Variants in SHROOM4 observed in about 807,000 individuals in gnomAD.
SHROOM4 encodes protein Shroom4.
In SHROOM4, 17 loss-of-function variants were observed where a neutral mutation model predicts 80.3. The observed-to-expected ratio is 0.21, with a 90% CI of 0.14 to 0.32. The LOEUF is 0.32. SHROOM4 is among the 10% of genes least tolerant of loss of function. SHROOM4 has a pLI of 1.00. For missense variants in SHROOM4, 993 were observed against 1,140.3 expected (o/e 0.87, Z 1.86); for synonymous variants, 400 against 437.5 (o/e 0.91, Z 1.07).
chrX:50,598,233 C>T (rs781809257), intron 8 of SHROOM4, 33 bp downstream of exon 8: 1 of 1,209,763 alleles, frequency 8.3e-7, no homozygotes, highest in Non-Finnish European at 1.1e-6. Flanking sequence ...ATGGTATTTC[C>T]CTCTACCCAC....
intron 2 of SHROOM4, among the ~76,000 whole-genome samples, chrX:50,681,078 A>T (rs1932931358): frequency 9.0e-6 from 1 of 110,597 alleles, no homozygotes; most frequent in Admixed American, 9.7e-5. Context: ...CCTAAATCTA[A>T]CAACTTTTTA....
At chrX:50,661,153 G>A (rs1207685550) in intron 2 of SHROOM4, among the ~76,000 whole-genome samples, 4 of 110,731 alleles carry the variant, frequency 3.6e-5, no homozygotes, top group African/African-American at 9.8e-5. Flanking sequence ...TTCAACTTTC[G>A]TGTTGTCAGA....
Position 50,598,348 on chromosome X carries a change from T to A in SHROOM4, c.4130A>T (p.Asn1377Ile), listed in dbSNP as rs782625311. The A allele has an allele frequency of 6.6e-6, 8 of 1,209,190 alleles. No homozygotes were observed. ...LFVGDLDKVVNLLLSLSGRLA... is the reference protein window; with the variant it reads ...LFVGDLDKVVILLLSLSGRLA... ...TCGTCCAGAGAGTGACAGCAACAGGTTGACCACTTTGTCCAGGTCCCCAAC... is the reference window on the plus strand; with the variant it reads ...TCGTCCAGAGAGTGACAGCAACAGGATGACCACTTTGTCCAGGTCCCCAAC... Residue 1377 changes from asparagine (N) to isoleucine (I), a missense_variant, in exon 8 of 9, where the codon AAC becomes ATC. Transcript: ENST00000376020.
chrX:50,798,118 T>C (rs1363204380), intron 1 of SHROOM4, among the ~76,000 whole-genome samples: 1 of 110,457 alleles, frequency 9.1e-6, no homozygotes, highest in African/African-American at 3.3e-5. Flanking sequence ...AAGGGTAGGT[T>C]TGTAGGGGCC....
chrX:50,679,547 T>C (rs1314819612), intron 2 of SHROOM4, among the ~76,000 whole-genome samples: 4 of 111,902 alleles, frequency 3.6e-5, no homozygotes, highest in African/African-American at 9.7e-5. Context: ...ATATATATTG[T>C]TTTGTGTGCA....
rs370895166 is a variant in SHROOM4 at position 50,634,149 on chromosome X, A to G, written c.1924T>C (p.Ser642Pro). ...CTGGGGCTGGGAGGTTTTTTACATG[A>G]AGATAGAAGAGATGTGTTAGAGGCA... The part of the protein sequence containing the change: ...LTASNTSLLS[S>P]CKKPPSPRDK... Residue 642 changes from serine to proline, a missense_variant, in exon 4 of 9, where the codon TCA becomes CCA. Coordinates refer to ENST00000376020, the MANE Select transcript of SHROOM4 (RefSeq NM_020717.5). 1.7e-6 allele frequency: 2 copies of G among 1,211,156 alleles called. No individual in the cohort carries two copies. The highest frequency in any genetic ancestry group is 2.2e-6 in the Non-Finnish European group (2 of 895,400).
chrX:50,744,582 C>T (rs782524977), intron 1 of SHROOM4, among the ~76,000 whole-genome samples: 7 of 111,884 alleles, frequency 6.3e-5, no homozygotes, highest in South Asian at 3.8e-4. Context: ...TTGTCTGTCA[C>T]GTACAACATC....
chrX:50,633,651 C>T lies in SHROOM4; in HGVS notation c.2422G>A (p.Asp808Asn), dbSNP rs1230117461. The change falls in exon 4 of 9, where the codon GAC (aspartate) becomes AAC (asparagine). Residue 808 changes from aspartate (D) to asparagine (N), a missense_variant. Transcript: ENST00000376020. ...GAGCTCATTGGCTGGAAGTTTTGGT[C>T]TATAGGTTTTGGTCTCTGGGTAAAA... ...KTFTQRPKPI[D>N]QNFQPMSSSC... The T allele has an allele frequency of 8.3e-7, 1 of 1,210,171 alleles. No homozygotes were observed. Among genetic ancestry groups the T allele is most frequent in the East Asian group, 3.0e-5 (1 of 33,757 alleles).
rs1462234308 is a variant in SHROOM4, at chrX:50,590,496, C to T, written c.*6199G>A. Among the ~76,000 whole-genome samples, 3 of 111,007 alleles carry T rather than the reference C, an allele frequency of 2.7e-5. No individual in the cohort carries two copies. The highest frequency in any genetic ancestry group is 5.7e-5 in the Non-Finnish European group (3 of 52,966). On this transcript the variant is annotated 3_prime_UTR_variant, in exon 9 of 9. Coordinates refer to ENST00000376020, the MANE Select transcript of SHROOM4 (RefSeq NM_020717.5). ...CGATCTCCTGACCTCCTGATCCGCC[C>T]GCCACGGCCTCCCAAAGTGCTGGGA...
chrX:50,676,345 T>A (rs1932853896), intron 2 of SHROOM4, among the ~76,000 whole-genome samples: 1 of 110,880 alleles, frequency 9.0e-6, no homozygotes, highest in Non-Finnish European at 1.9e-5. Flanking sequence ...CACTTCTTCT[T>A]GTCTTACAAA....
At chrX:50,805,493 A>G (rs1936208695) in intron 1 of SHROOM4, among the ~76,000 whole-genome samples, 1 of 111,914 alleles carries the variant, frequency 8.9e-6, no homozygotes. Flanking sequence ...CGCATTCCTC[A>G]CAGATGTAAC....
intron 1 of SHROOM4, among the ~76,000 whole-genome samples, chrX:50,759,592 A>G (rs782365738): frequency 9.8e-4 from 109 of 111,535 alleles, no homozygotes; most frequent in Non-Finnish European, 1.6e-3. Flanking sequence ...GTTTCCTTCC[A>G]CTGGTTTTGC....
chrX:50,675,026 A>G (rs1286179125), intron 2 of SHROOM4, among the ~76,000 whole-genome samples: 1 of 112,049 alleles, frequency 8.9e-6, no homozygotes, highest in Non-Finnish European at 1.9e-5. Context: ...ATTCTAAGCA[A>G]AGAGAACAGT....
chrX:50,814,082 A>G lies in SHROOM4; in HGVS notation c.-64T>C. 1 of 776,911 alleles carries G rather than the reference A, an allele frequency of 1.3e-6. No homozygotes were observed. Among genetic ancestry groups the G allele is most frequent in the Non-Finnish European group, 2.0e-6 (1 of 510,106 alleles). The allele number at this position is 776,911 out of a possible 1,213,427, so 64.0% of individuals were successfully genotyped here. ...AGGGGGCTACGTTGCCTCCGCCCCC[A>G]GCAGCTCCGCCACCATCGCCCTCCA... On this transcript the variant is annotated 5_prime_UTR_variant, in exon 1 of 9. Transcript: ENST00000376020.
intron 2 of SHROOM4, among the ~76,000 whole-genome samples, chrX:50,658,759 T>G (rs782508850): frequency 5.1e-4 from 57 of 111,343 alleles, no homozygotes; most frequent in Non-Finnish European, 9.0e-4. Flanking sequence ...AGAAGAGTGC[T>G]GAGGGCCAGG....
chrX:50,789,094 T>C (rs894293322), intron 1 of SHROOM4, among the ~76,000 whole-genome samples: 5 of 111,905 alleles, frequency 4.5e-5, no homozygotes, highest in Admixed American at 9.4e-5. Flanking sequence ...CTTTCAATAG[T>C]GGATGGAACA....
chrX:50,689,397 A>G (rs999232515), intron 2 of SHROOM4, among the ~76,000 whole-genome samples: 3 of 111,921 alleles, frequency 2.7e-5, no homozygotes, highest in African/African-American at 9.7e-5. Context: ...GAATATGTCA[A>G]TATACTGTAC....
chrX:50,623,548 A>G (rs1930671595), intron 5 of SHROOM4, among the ~76,000 whole-genome samples: 1 of 112,095 alleles, frequency 8.9e-6, no homozygotes, highest in South Asian at 3.7e-4. Flanking sequence ...AAATTAGCCA[A>G]AAGAAACTGG....
At chrX:50,662,002 C>T (rs1932528203) in intron 2 of SHROOM4, among the ~76,000 whole-genome samples, 1 of 110,615 alleles carries the variant, frequency 9.0e-6, no homozygotes, top group Non-Finnish European at 1.9e-5. Flanking sequence ...CCCGCAGCAT[C>T]AGCATTATCT....
Sources: allele counts gnomAD v4.1 joint callset (sites outside exome capture counted in the v4.1 genomes callset), GRCh38; gene constraint gnomAD v4.1.1; transcripts MANE v1.5; gene names NCBI Gene and HGNC (gene_info 2026-07-23, HGNC 2026-07-21).